The following CRKL variants were observed in gnomAD, a reference collection of about 807,000 sequenced individuals.
The protein encoded by CRKL is CRK like proto-oncogene, adaptor protein, also known as crk-like protein.
A neutral mutation model predicts 23.0 loss-of-function variants in CRKL; 3 were observed. The ratio of observed to expected loss-of-function variants is 0.13; its 90% CI spans 0.06 to 0.34. CRKL has a LOEUF of 0.34. Among genes scored for constraint, CRKL ranks in the 10% least tolerant of loss-of-function variants. The pLI is 1.00. For synonymous variants in CRKL, 188 were observed against 160.7 expected (o/e 1.17, Z -1.28); for missense variants, 256 against 394.5 (o/e 0.65, Z 2.97).
intron 2 of CRKL, among the ~76,000 whole-genome samples, chr22:20,934,805 A>ATTTTTTTTTTTT (rs67055933): frequency 1.0e-5 from 1 of 98,528 alleles, no homozygotes; most frequent in Non-Finnish European, 1.9e-5. Flanking sequence ...AGAGGAATGA[A>ATTTTTTTTTTTT]TTTTTTTTTT....
At chr22:20,924,525 A>G (rs1463587244) in intron 1 of CRKL, among the ~76,000 whole-genome samples, 3 of 149,390 alleles carry the variant, frequency 2.0e-5, no homozygotes, top group African/African-American at 7.4e-5. Flanking sequence ...TCTCCTGACC[A>G]GTAGTTAAAA....
rs982467327 is a variant in CRKL at position 20,953,653 on chromosome 22, G to A, written c.*3808G>A. 1.2e-4 allele frequency: 25 copies of A among 201,328 alleles called. No individual in the cohort carries two copies. The highest frequency in any genetic ancestry group is 3.9e-4 in the African/African-American group (17 of 43,400). The allele number at this position is 201,328 out of a possible 1,614,324, so 12.5% of individuals were successfully genotyped here. On this transcript the variant is annotated 3_prime_UTR_variant, in exon 3 of 3. Transcript: ENST00000354336. ...TAGTGCCTTTTTATTTTTGTATTCC[G>A]TTTTACGTTACTGGTCCCAGCATCA...
chr22:20,933,999 G>A lies in CRKL; in HGVS notation c.532G>A (p.Val178Ile), dbSNP rs535421669. The stretch of plus-strand genomic sequence containing the variant: ...GGTTGGGATGATTCCTGTCCCTTAT[G>A]TCGAAAAGCTTGTGAGATCCTCACC... ...GRVGMIPVPY[V>I]EKLVRSSPHG... is the part of the protein sequence containing the mutation. Residue 178 changes from valine (V) to isoleucine (I), a missense_variant, in exon 2 of 3, where the codon GTC (valine) becomes ATC (isoleucine). Val to Ile is a conservative substitution (Grantham distance 29, BLOSUM62 3). Coordinates refer to ENST00000354336, the MANE Select transcript of CRKL (RefSeq NM_005207.4). 125 of 1,614,170 alleles carry A rather than the reference G, an allele frequency of 7.7e-5. 2 individuals are homozygous for A. In the South Asian group the frequency reaches 1.3e-3, roughly 17 times the overall value.
intron 2 of CRKL, among the ~76,000 whole-genome samples, chr22:20,936,227 C>G (rs1220691427): frequency 6.6e-6 from 1 of 152,136 alleles, no homozygotes; most frequent in Non-Finnish European, 1.5e-5. Context: ...AAGGGACCCT[C>G]TTGCTTCAAA....
intron 1 of CRKL, among the ~76,000 whole-genome samples, chr22:20,921,183 C>T (rs1010234880): frequency 2.0e-5 from 3 of 152,176 alleles, no homozygotes; most frequent in Non-Finnish European, 2.9e-5. Context: ...TTGCAGGCAT[C>T]AAAACTGAGC....
intron 2 of CRKL, among the ~76,000 whole-genome samples, chr22:20,938,922 G>T: frequency 6.6e-6 from 1 of 152,232 alleles, no homozygotes; most frequent in Middle Eastern, 3.4e-3. Flanking sequence ...GAAACAGATC[G>T]TGTGGAGGAA....
chr22:20,953,106 G>A lies in CRKL; in HGVS notation c.*3261G>A, dbSNP rs1278205943. 1 of 231,802 alleles carries A rather than the reference G, an allele frequency of 4.3e-6. No homozygotes were observed. Among genetic ancestry groups the A allele is most frequent in the Non-Finnish European group, 8.5e-6 (1 of 117,036 alleles). The allele number at this position is 231,802 out of a possible 1,614,324, so 14.4% of individuals were successfully genotyped here. A position where few individuals can be genotyped will look rare whatever the true frequency, so the allele number is the denominator to read the frequency against. Reference sequence around the variant, plus strand: ...AATATGAACATTTTATTTTTGAAAAGGGATGATGTGGTTTTTTGCCAGGTG... The same window carrying A: ...AATATGAACATTTTATTTTTGAAAAAGGATGATGTGGTTTTTTGCCAGGTG... On this transcript the variant is annotated 3_prime_UTR_variant, in exon 3 of 3. Coordinates refer to ENST00000354336, the MANE Select transcript of CRKL (RefSeq NM_005207.4).
At chr22:20,946,598 C>T (rs73162901) in intron 2 of CRKL, among the ~76,000 whole-genome samples, 55 of 152,090 alleles carry the variant, frequency 3.6e-4, no homozygotes, top group Non-Finnish European at 6.9e-4. Context: ...TAGTTTGCCC[C>T]GTGAACTGAG....
intron 2 of CRKL, among the ~76,000 whole-genome samples, chr22:20,945,327 A>C (rs1193933984): frequency 6.6e-6 from 1 of 152,124 alleles, no homozygotes; most frequent in African/African-American, 2.4e-5. Context: ...TTACCAATAT[A>C]TAAGACGCAA....
chr22:20,918,063 C>G lies in CRKL; in HGVS notation c.129C>G (p.Thr43=), dbSNP rs775982668. Residue 43 remains threonine (T), a synonymous_variant, in exon 1 of 3, where the codon ACC becomes ACG. Transcript: ENST00000354336. Reference sequence around the variant, plus strand: ...TGTTCCTCGTCCGCGATTCTTCCACCTGCCCTGGGGACTATGTGCTGTCGG... The same window carrying G: ...TGTTCCTCGTCCGCGATTCTTCCACGTGCCCTGGGGACTATGTGCTGTCGG... ...HGMFLVRDSS[T]CPGDYVLSVS... 1.2e-6 allele frequency: 2 copies of G among 1,614,278 alleles called. No homozygotes were observed. The highest frequency in any genetic ancestry group is 1.1e-5 in the South Asian group (1 of 91,090).
At chr22:20,924,878 G>T (rs1012280701) in intron 1 of CRKL, among the ~76,000 whole-genome samples, 4 of 151,384 alleles carry the variant, frequency 2.6e-5, no homozygotes, top group African/African-American at 9.7e-5. Flanking sequence ...GCTGAGAATG[G>T]AATCTTGTCC....
chr22:20,931,502 T>A lies in CRKL; in HGVS notation c.312-2277T>A, dbSNP rs886225245. Among the ~76,000 whole-genome samples the A allele has an allele frequency of 2.9e-4, 44 of 152,204 alleles. 2 individuals carry two copies. Among genetic ancestry groups the A allele is most frequent in the Non-Finnish European group, 1.8e-4 (12 of 68,028 alleles). ...GGATGCTTGGTGCTGCTCGGTAATT[T>A]TGAATGCCTCACATGCATTATGCCA... is the stretch of plus-strand genomic sequence containing the variant. On this transcript the variant is annotated intron_variant, in intron 1 of 2. Coordinates refer to ENST00000354336, the MANE Select transcript of CRKL (RefSeq NM_005207.4).
At chr22:20,926,476 G>C (rs755262448) in intron 1 of CRKL, among the ~76,000 whole-genome samples, 1 of 152,060 alleles carries the variant, frequency 6.6e-6, no homozygotes, top group Non-Finnish European at 1.5e-5. Context: ...AGGATTGAGT[G>C]GTGCCTTTGA....
In CRKL at chr22:20,953,707, T is replaced by C. The variant is rs765746358; in HGVS notation, c.*3862T>C. ...CCCTTGTTTCCATGGCCTGTTTGTA[T>C]ATTGTCTCAATAAAACTTGCATCAG... On this transcript the variant is annotated 3_prime_UTR_variant, in exon 3 of 3. Transcript: ENST00000354336. The C allele has an allele frequency of 2.6e-5, 5 of 190,064 alleles. No individual in the cohort carries two copies. The highest frequency in any genetic ancestry group is 4.4e-5 in the Non-Finnish European group (4 of 90,376). The allele number at this position is 190,064 out of a possible 1,614,324, so 11.8% of individuals were successfully genotyped here.
chr22:20,948,647 GACTGTGCCATAAAA>G (rs1373445368), intron 2 of CRKL, among the ~76,000 whole-genome samples: 19 of 152,252 alleles, frequency 1.2e-4, no homozygotes, highest in Non-Finnish European at 2.5e-4. Context: ...CGGACCATTG[GACTGTGCCATAAAA>G]ACCTTATGCC....
chr22:20,942,837 T>C (rs529958368), intron 2 of CRKL, among the ~76,000 whole-genome samples: 3 of 152,236 alleles, frequency 2.0e-5, no homozygotes, highest in Admixed American at 6.5e-5. Context: ...TAGCCAGGCT[T>C]TGAACTCCTG....
intron 2 of CRKL, among the ~76,000 whole-genome samples, chr22:20,938,055 G>T (rs1015060803): frequency 6.6e-6 from 1 of 152,062 alleles, no homozygotes; most frequent in African/African-American, 2.4e-5. Context: ...TAGGATAGTG[G>T]TGCCTGTCTG....
In CRKL at chr22:20,951,266, G is replaced by A. The variant is rs1040539139; in HGVS notation, c.*1421G>A. The A allele has an allele frequency of 8.2e-5, 19 of 232,410 alleles. No homozygotes were observed. The highest frequency in any genetic ancestry group is 2.6e-5 in the Non-Finnish European group (3 of 117,606). The allele number at this position is 232,410 out of a possible 1,614,324, so 14.4% of individuals were successfully genotyped here. A position where few individuals can be genotyped will look rare whatever the true frequency, so the allele number is the denominator to read the frequency against. On this transcript the variant is annotated 3_prime_UTR_variant, in exon 3 of 3. Transcript: ENST00000354336. Reference sequence around the variant, plus strand: ...TGCTCATACTGGTCTCACAGTCTAAGTAAGTGTCTGTGATGCTCCCAAGCA... The same window carrying A: ...TGCTCATACTGGTCTCACAGTCTAAATAAGTGTCTGTGATGCTCCCAAGCA...
chr22:20,944,585 A>G (rs1394529259), intron 2 of CRKL, among the ~76,000 whole-genome samples: 1 of 150,300 alleles, frequency 6.7e-6, no homozygotes, highest in Non-Finnish European at 1.5e-5. Flanking sequence ...TTGTATTTTT[A>G]GTAGAGATGG....
Sources: allele counts gnomAD v4.1 joint callset (sites outside exome capture counted in the v4.1 genomes callset), GRCh38; gene constraint gnomAD v4.1.1; transcripts MANE v1.5; gene names NCBI Gene and HGNC (gene_info 2026-07-23, HGNC 2026-07-21).